The following PRELID2 variants were observed in gnomAD, a reference collection of about 807,000 sequenced individuals.
The protein encoded by PRELID2 is PRELI domain-containing protein 2.
In PRELID2, 25 loss-of-function variants were observed where a neutral mutation model predicts 28.4. That is an observed-to-expected ratio of 0.88 (90% CI 0.64 to 1.23). The LOEUF is 1.23. Among genes scored for constraint, PRELID2 ranks in the 50% most tolerant of loss-of-function variants. The probability of loss-of-function intolerance (pLI) is 0.00; values close to 1 mark genes in which losing one functional copy is unlikely to be tolerated. For missense variants in PRELID2, 201 were observed against 214.4 expected (o/e 0.94, Z 0.39); for synonymous variants, 76 against 71.6 (o/e 1.06, Z -0.31).
chr5:145,418,131 C>G, the PRELID2 span, among the ~76,000 whole-genome samples: 1 of 152,006 alleles, frequency 6.6e-6, no homozygotes, highest in Admixed American at 6.6e-5. Context: ...GAATGAACTC[C>G]CATTCACAAT....
chr5:145,299,614 T>C, the PRELID2 span, among the ~76,000 whole-genome samples: 15 of 150,860 alleles, frequency 9.9e-5, no homozygotes, highest in Non-Finnish European at 1.5e-5. Context: ...TTTTTTTCCC[T>C]GCTGAGACCA....
Position 145,728,437 on chromosome 5 carries a change from A to C in PRELID2, n.70+36494T>G. The C allele has an allele frequency of 5.2e-6, 3 of 577,176 alleles. No homozygotes were observed. The South Asian group carries it at 5.8e-5, about 11-fold the overall frequency. The allele number at this position is 577,176 out of a possible 1,614,324, so 35.8% of individuals were successfully genotyped here. ...TTCAAGCTTCAGCAAGAGACAAAAC[A>C]GGGACCCCGGATCTGGAACCAGATT... On this transcript the variant is annotated intron_variant and non_coding_transcript_variant, in intron 1 of 2. Coordinates refer to the PRELID2 transcript ENST00000510259.
At chr5:145,415,578 A>G in the PRELID2 span, among the ~76,000 whole-genome samples, 5 of 150,272 alleles carry the variant, frequency 3.3e-5, 1 homozygote, top group Admixed American at 6.7e-5. Context: ...ATGATTTCCA[A>G]TTTCATCCAT....
intron 1 of PRELID2, among the ~76,000 whole-genome samples, chr5:145,591,933 G>C (rs968848415): frequency 3.9e-5 from 6 of 152,280 alleles, no homozygotes; most frequent in Non-Finnish European, 8.8e-5. Context: ...TACTATGTCA[G>C]TCTCACTGCT....
At chr5:145,468,364 C>A (rs1289959104), downstream of PRELID2, among the ~76,000 whole-genome samples, 2 of 152,086 alleles carry the variant, frequency 1.3e-5, no homozygotes, top group African/African-American at 4.8e-5. Flanking sequence ...GTGAATAGTG[C>A]CTCAATAAAC....
the PRELID2 span, among the ~76,000 whole-genome samples, chr5:145,412,400 T>C: frequency 6.6e-6 from 1 of 152,186 alleles, no homozygotes; most frequent in East Asian, 1.9e-4. Context: ...TCTCTTTGCA[T>C]AGCAAGAATA....
the PRELID2 span, chr5:145,441,192 C>T: frequency 6.6e-6 from 1 of 152,078 alleles, no homozygotes; most frequent in Admixed American, 6.6e-5. Flanking sequence ...GAGCTGTACT[C>T]TCTGCAGCCC....
At chr5:145,589,871 G>A (rs1024236523) in intron 1 of PRELID2, among the ~76,000 whole-genome samples, 1 of 152,076 alleles carries the variant, frequency 6.6e-6, no homozygotes, top group African/African-American at 2.4e-5. Context: ...TTTGTTGTAT[G>A]GTTTGATGTA....
At chr5:145,327,472 T>C in the PRELID2 span, among the ~76,000 whole-genome samples, 2 of 152,132 alleles carry the variant, frequency 1.3e-5, no homozygotes, top group Admixed American at 1.3e-4. Flanking sequence ...AGAATTTCTT[T>C]TTTCATCCCT....
chr5:145,628,711 C>T (rs1753890579), intron 1 of PRELID2, among the ~76,000 whole-genome samples: 1 of 152,110 alleles, frequency 6.6e-6, no homozygotes, highest in Admixed American at 6.6e-5. Flanking sequence ...CCTCTTCTTT[C>T]AGGAAGAACT....
At position 145,515,607 on chromosome 5, in the gene PRELID2, A is replaced by G. The variant is rs145240369; in HGVS notation, n.71-42292T>C. Among the ~76,000 whole-genome samples the G allele has an allele frequency of 1.0e-3, 154 of 152,318 alleles. 2 individuals are homozygous for G. The East Asian group carries it at 0.029, about 28-fold the overall frequency. ...ATTCCTTCTGAAACTATTCCAAACAATAGAAAAAGAGGTGATTCTTCCTAA... is the reference window on the plus strand; with the variant it reads ...ATTCCTTCTGAAACTATTCCAAACAGTAGAAAAAGAGGTGATTCTTCCTAA... On this transcript the variant is annotated intron_variant and non_coding_transcript_variant, in intron 1 of 2. Transcript: ENST00000510259.
chr5:145,829,711 C>A (rs78065542), intron 1 of PRELID2, among the ~76,000 whole-genome samples: 2,700 of 152,256 alleles, frequency 0.018, 50 homozygotes, highest in African/African-American at 0.039. Context: ...TTCTCCTTTA[C>A]ATCATGCCTA....
the PRELID2 span, among the ~76,000 whole-genome samples, chr5:145,331,089 T>C: frequency 2.7e-4 from 41 of 152,358 alleles, no homozygotes; most frequent in South Asian, 2.1e-4. Context: ...CACTTTTAAA[T>C]GACTTTCTTA....
intron 1 of PRELID2, among the ~76,000 whole-genome samples, chr5:145,550,465 C>T (rs1752824649): frequency 6.6e-6 from 1 of 152,016 alleles, no homozygotes; most frequent in African/African-American, 2.4e-5. Context: ...AACTCAGTTG[C>T]TATGGAGGCT....
intron 1 of PRELID2, among the ~76,000 whole-genome samples, chr5:145,714,707 T>G (rs991383940): frequency 1.3e-5 from 2 of 152,180 alleles, no homozygotes; most frequent in Non-Finnish European, 2.9e-5. Context: ...CAAGTCTCCT[T>G]GTTGCCAAAT....
the PRELID2 span, among the ~76,000 whole-genome samples, chr5:145,392,691 GGAGAGAGAGAGAAAGAAA>G: frequency 6.6e-6 from 1 of 151,384 alleles, no homozygotes; most frequent in Admixed American, 6.6e-5. Context: ...GAGAGAGGGA[GGAGAGAGAGAGAAAGAAA>G]GAGAGAGGGA....
chr5:145,403,630 C>T, the PRELID2 span, among the ~76,000 whole-genome samples: 1 of 152,152 alleles, frequency 6.6e-6, no homozygotes. Context: ...ATTGGGTTTG[C>T]TATGTACCAG....
At chr5:145,674,792 C>A (rs1247883796) in intron 1 of PRELID2, among the ~76,000 whole-genome samples, 2 of 152,016 alleles carry the variant, frequency 1.3e-5, no homozygotes, top group African/African-American at 4.8e-5. Context: ...ACTAAAAATA[C>A]ACAAATTAGC....
At chr5:145,432,314 C>G in the PRELID2 span, among the ~76,000 whole-genome samples, 1 of 151,320 alleles carries the variant, frequency 6.6e-6, no homozygotes, top group Non-Finnish European at 1.5e-5. Context: ...TTGTAACCAC[C>G]CTTGAAGAAA....
Sources: allele counts gnomAD v4.1 joint callset (sites outside exome capture counted in the v4.1 genomes callset), GRCh38; gene constraint gnomAD v4.1.1; transcripts MANE v1.5; gene names NCBI Gene and HGNC (gene_info 2026-07-23, HGNC 2026-07-21).